The following XYLT1 variants were observed in gnomAD, a reference collection of about 807,000 sequenced individuals.
The protein encoded by XYLT1 is xylosyltransferase 1, also known as beta-D-xylosyltransferase 1.
In XYLT1, 36 loss-of-function variants were observed where a neutral mutation model predicts 91.3. That is an observed-to-expected ratio of 0.39 (90% CI 0.30 to 0.52). The LOEUF (loss-of-function observed/expected upper bound fraction) is 0.52. XYLT1 is among the 20% of genes least tolerant of loss of function. XYLT1 has a pLI of 0.68. For missense variants in XYLT1, 1,242 were observed against 1,284.5 expected, an observed-to-expected ratio of 0.97 and a Z score of 0.51; for synonymous variants, 588 against 532.0, an observed-to-expected ratio of 1.11 and a Z score of -1.45.
intron 8 of XYLT1, among the ~76,000 whole-genome samples, chr16:17,135,563 CAAAAAAAAAAA>C (rs112216252): frequency 8.5e-6 from 1 of 117,110 alleles, no homozygotes; most frequent in Non-Finnish European, 1.9e-5. Flanking sequence ...GAGTGTAGCT[CAAAAAAAAAAA>C]AAAAAAATTC....
chr16:17,458,828 T>C lies in XYLT1; in HGVS notation c.363+11606A>G, dbSNP rs2036778163. On this transcript the variant is annotated intron_variant, in intron 1 of 11. Transcript: ENST00000261381. ...CGAGAAGAGTGTTGAAGCTGCCGTT[T>C]TGATTGGCTGGTTATATTTCTGTAT... is the stretch of plus-strand genomic sequence containing the variant. 2.0e-5 allele frequency among the ~76,000 whole-genome samples: 3 copies of C among 152,120 alleles called. No individual in the cohort carries two copies. In the South Asian group the frequency reaches 6.2e-4, roughly 31 times the overall value.
At chr16:17,377,389 T>G (rs192591883) in intron 1 of XYLT1, among the ~76,000 whole-genome samples, 1 of 152,156 alleles carries the variant, frequency 6.6e-6, no homozygotes, top group East Asian at 1.9e-4. Flanking sequence ...GACATGGCGA[T>G]AGAGTTCCCA....
intron 3 of XYLT1, among the ~76,000 whole-genome samples, chr16:17,205,347 G>A (rs2032623985): frequency 6.6e-6 from 1 of 152,246 alleles, no homozygotes; most frequent in African/African-American, 2.4e-5. Context: ...TTGTGGTGCT[G>A]GCAAAGATCA....
rs34143212 is a variant in XYLT1 at position 17,165,530 on chromosome 16, C to CA, written c.1290-6622dup. 3.9e-3 allele frequency among the ~76,000 whole-genome samples: 565 copies of CA among 144,790 alleles called. 3 individuals are homozygous for CA. The highest frequency in any genetic ancestry group is 0.018 in the East Asian group (86 of 4,852). 95.0% of individuals were successfully genotyped at this position (144,790 alleles called of 152,430 possible). ...TGAAACCTGGTCTCTACTAAAAATA[C>CA]AAAAAAAAAAAAATTAGCCAGGCAT... is the stretch of plus-strand genomic sequence containing the variant. On this transcript the variant is annotated intron_variant, in intron 5 of 11. Coordinates refer to ENST00000261381, the MANE Select transcript of XYLT1 (RefSeq NM_022166.4).
At chr16:17,230,617 C>T (rs1022318454) in intron 3 of XYLT1, among the ~76,000 whole-genome samples, 4 of 152,148 alleles carry the variant, frequency 2.6e-5, no homozygotes, top group African/African-American at 7.2e-5. Context: ...AGCTGGAGGC[C>T]GCCTCCTCTT....
At position 17,397,908 on chromosome 16, in the gene XYLT1, T is replaced by C. The variant is rs534289830; in HGVS notation, c.364-39858A>G. ...TGCGATCTCGGCTCACTGCAACCTCTGCCTCCCGGGTTCAAGCGATTCTCC... is the reference window on the plus strand; with the variant it reads ...TGCGATCTCGGCTCACTGCAACCTCCGCCTCCCGGGTTCAAGCGATTCTCC... On this transcript the variant is annotated intron_variant, in intron 1 of 11. Transcript: ENST00000261381. Among the ~76,000 whole-genome samples the C allele has an allele frequency of 4.4e-4, 66 of 149,914 alleles. 1 individual carries two copies. In the South Asian group the frequency reaches 0.013, roughly 30 times the overall value.
intron 8 of XYLT1, among the ~76,000 whole-genome samples, chr16:17,137,807 C>T (rs887126564): frequency 6.6e-6 from 1 of 151,988 alleles, no homozygotes; most frequent in Non-Finnish European, 1.5e-5. Context: ...AAGTGCAATT[C>T]ATTAAAAATA....
chr16:17,111,108 C>T (rs187825579), intron 11 of XYLT1, among the ~76,000 whole-genome samples: 7 of 151,552 alleles, frequency 4.6e-5, no homozygotes, highest in South Asian at 4.2e-4. Flanking sequence ...TTCATTGAGC[C>T]GAGATCACAC....
At chr16:17,141,591 C>T (rs755915369) in intron 6 of XYLT1, among the ~76,000 whole-genome samples, 3 of 152,134 alleles carry the variant, frequency 2.0e-5, no homozygotes, top group Non-Finnish European at 4.4e-5. Context: ...TATTTGACCC[C>T]CAACTTTCAT....
chr16:17,177,983 A>G (rs2031981431), intron 5 of XYLT1, among the ~76,000 whole-genome samples: 2 of 152,336 alleles, frequency 1.3e-5, no homozygotes, highest in East Asian at 3.9e-4. Context: ...CAATGACATT[A>G]ACCTTTTTGA....
At chr16:17,358,132 T>C in intron 1 of XYLT1, 82 bp from the exon 2 acceptor site, 2 of 780,584 alleles carry the variant, frequency 2.6e-6, no homozygotes, top group South Asian at 6.6e-5. Context: ...TTTCTTTCCT[T>C]TTTTTTTTTT....
intron 9 of XYLT1, among the ~76,000 whole-genome samples, chr16:17,133,023 C>CTCAGAGAGA (rs1243576781): frequency 6.6e-6 from 1 of 152,162 alleles, no homozygotes; most frequent in African/African-American, 2.4e-5. Context: ...GAAACCGAAG[C>CTCAGAGAGA]TCAGAGAGAT....
chr16:17,403,363 G>A (rs2035992132), intron 1 of XYLT1: 1 of 152,172 alleles, frequency 6.6e-6, no homozygotes, highest in Admixed American at 6.5e-5. Flanking sequence ...TTTAACACCT[G>A]GATTAGTCTG....
chr16:17,179,670 C>CTA (rs1282025207), intron 5 of XYLT1, among the ~76,000 whole-genome samples: 2 of 152,248 alleles, frequency 1.3e-5, no homozygotes, highest in Non-Finnish European at 2.9e-5. Context: ...ATACCAGGCA[C>CTA]TCAATAAGTA....
chr16:17,367,692 C>A (rs1445407492), intron 1 of XYLT1, among the ~76,000 whole-genome samples: 1 of 152,206 alleles, frequency 6.6e-6, no homozygotes, highest in Admixed American at 6.5e-5. Context: ...GCAGCGAATT[C>A]ACAATAAGTT....
intron 2 of XYLT1, among the ~76,000 whole-genome samples, chr16:17,345,719 A>G (rs564746353): frequency 3.9e-5 from 6 of 152,252 alleles, no homozygotes; most frequent in Non-Finnish European, 8.8e-5. Flanking sequence ...CTTAGGTGCC[A>G]GGCACTGTTC....
At chr16:17,302,213 A>G (rs2034405480) in intron 2 of XYLT1, among the ~76,000 whole-genome samples, 1 of 151,900 alleles carries the variant, frequency 6.6e-6, no homozygotes. Context: ...TCAAAATACT[A>G]CTACTACTAC....
intron 2 of XYLT1, among the ~76,000 whole-genome samples, chr16:17,350,164 G>A (rs1017937497): frequency 2.6e-5 from 4 of 152,116 alleles, no homozygotes; most frequent in African/African-American, 9.7e-5. Flanking sequence ...GTGAGCCACC[G>A]TGCCCAGCCA....
rs141594107 is a variant in XYLT1, at chr16:17,132,216, G to C, written c.2027+2257C>G. On this transcript the variant is annotated intron_variant, in intron 9 of 11. Coordinates refer to ENST00000261381, the MANE Select transcript of XYLT1 (RefSeq NM_022166.4). ...GGGATTCTGCTTCCAGACTAGCAGT[G>C]GGGGGGAGAGAGACTCCCTGGTGAC... 1.7e-3 allele frequency among the ~76,000 whole-genome samples: 256 copies of C among 152,234 alleles called. 2 individuals carry two copies. Among genetic ancestry groups the C allele is most frequent in the Middle Eastern group, 3.4e-3 (1 of 294 alleles).
Sources: gnomAD v4.1 joint callset for allele counts (sites outside exome capture counted in the v4.1 genomes callset) on GRCh38, gnomAD v4.1.1 for gene constraint, MANE v1.5 for transcripts, NCBI Gene and HGNC (gene_info 2026-07-23, HGNC 2026-07-21) for gene names.